Variants in SLC25A24 observed in about 807,000 individuals in gnomAD.
SLC25A24 encodes solute carrier family 25 member 24.
A neutral mutation model predicts 60.7 loss-of-function variants in SLC25A24; 49 were observed. The ratio of observed to expected loss-of-function variants is 0.81; its 90% CI spans 0.64 to 1.02. SLC25A24 has a LOEUF of 1.02. SLC25A24 is among the 50% of genes least tolerant of loss of function. The probability of loss-of-function intolerance (pLI) is 0.00; values close to 1 mark genes in which losing one functional copy is unlikely to be tolerated. For missense variants in SLC25A24, 564 were observed against 586.3 expected, an observed-to-expected ratio of 0.96 and a Z score of 0.39; for synonymous variants, 202 against 200.6, an observed-to-expected ratio of 1.01 and a Z score of -0.06.
rs1399422161 is a variant in SLC25A24 at position 108,136,545 on chromosome 1, A to T, written c.*108T>A. On this transcript the variant is annotated 3_prime_UTR_variant, in exon 10 of 10. Transcript: ENST00000565488. ...ATTGTTACCATCTTCCCTTTTGTGAAAAAAATGCAGCTTCTTTTGCCATAG... is the reference window on the plus strand; with the variant it reads ...ATTGTTACCATCTTCCCTTTTGTGATAAAAATGCAGCTTCTTTTGCCATAG... 3 of 951,594 alleles carry T rather than the reference A, an allele frequency of 3.2e-6. No individual in the cohort carries two copies. The highest frequency in any genetic ancestry group is 4.7e-6 in the Non-Finnish European group (3 of 632,586). 58.9% of individuals were successfully genotyped at this position (951,594 alleles called of 1,614,324 possible).
At chr1:108,175,955 A>T (rs1647661387) in intron 3 of SLC25A24, among the ~76,000 whole-genome samples, 2 of 152,242 alleles carry the variant, frequency 1.3e-5, no homozygotes, top group Non-Finnish European at 2.9e-5. Context: ...AAATGCACAG[A>T]TGTAAACACA....
intron 1 of SLC25A24, among the ~76,000 whole-genome samples, chr1:108,195,814 A>C (rs591763): frequency 0.24 from 37,037 of 151,974 alleles, 5,008 homozygotes; most frequent in African/African-American, 0.33. Flanking sequence ...GCCTGACCAA[A>C]ATGGCAAAAT....
At chr1:108,142,247 C>T (rs1679463052) in intron 8 of SLC25A24, among the ~76,000 whole-genome samples, 1 of 152,122 alleles carries the variant, frequency 6.6e-6, no homozygotes, top group African/African-American at 2.4e-5. Flanking sequence ...GACCATATGG[C>T]TCAGCAATTC....
At chr1:108,181,807 G>GA in intron 3 of SLC25A24, 134 bp downstream of exon 3, 1 of 681,592 alleles carries the variant, frequency 1.5e-6, no homozygotes, top group Non-Finnish European at 2.6e-6. Flanking sequence ...TGAATGGGAG[G>GA]AAAAAAGACA....
At chr1:108,198,508 C>G (rs1648564898) in intron 1 of SLC25A24, 1 of 152,214 alleles carries the variant, frequency 6.6e-6, no homozygotes, top group Non-Finnish European at 1.5e-5. Flanking sequence ...ATTTCACTTA[C>G]AATCGTTTTT....
At position 108,155,074 on chromosome 1, in the gene SLC25A24, T is replaced by C. The variant is rs1197274649; in HGVS notation, c.731A>G (p.Glu244Gly). The C allele has an allele frequency of 6.2e-7, 1 of 1,612,920 alleles. No homozygotes were observed. Among genetic ancestry groups the C allele is most frequent in the East Asian group, 2.2e-5 (1 of 44,784 alleles). ...CCTCCAAAGCGAGCGGATACCTCCT[T>C]CTTTTACCATCTGTCGAAAGCCACC... ...IFGGFRQMVK[E>G]GGIRSLWRGN... The change falls in exon 6 of 10, where the codon GAA (glutamate) becomes GGA (glycine). Residue 244 changes from glutamate (E) to glycine (G), a missense_variant. Glu to Gly is a moderately conservative substitution (Grantham distance 98). Transcript: ENST00000565488.
chr1:108,158,496 T>C (rs1240946571), intron 4 of SLC25A24, among the ~76,000 whole-genome samples: 2 of 152,152 alleles, frequency 1.3e-5, no homozygotes, highest in African/African-American at 2.4e-5. Flanking sequence ...TAAATAAAAC[T>C]TCACATAGTG....
chr1:108,189,302 C>T (rs866884407), intron 1 of SLC25A24, among the ~76,000 whole-genome samples: 10 of 152,158 alleles, frequency 6.6e-5, no homozygotes, highest in African/African-American at 1.4e-4. Context: ...CAGTTACCTG[C>T]GGTCAATCAT....
chr1:108,137,620 T>A (rs1452275836), intron 9 of SLC25A24, among the ~76,000 whole-genome samples: 1 of 152,180 alleles, frequency 6.6e-6, no homozygotes, highest in Admixed American at 6.5e-5. Context: ...GACTTTTAGG[T>A]CAGAAATGAC....
intron 3 of SLC25A24, among the ~76,000 whole-genome samples, chr1:108,162,674 A>T (rs1257173382): frequency 3.3e-5 from 5 of 151,880 alleles, no homozygotes; most frequent in Admixed American, 1.3e-4. Context: ...GTTTGAGTTC[A>T]TTGTAGATTC....
chr1:108,146,965 G>A (rs570623788), intron 7 of SLC25A24, among the ~76,000 whole-genome samples: 1 of 152,166 alleles, frequency 6.6e-6, no homozygotes, highest in Admixed American at 6.5e-5. Context: ...TTTTTCTATT[G>A]TTTGAATAAT....
intron 5 of SLC25A24, among the ~76,000 whole-genome samples, chr1:108,156,615 T>C (rs1679906862): frequency 1.3e-5 from 2 of 152,340 alleles, no homozygotes; most frequent in South Asian, 4.1e-4. Flanking sequence ...GTGTTGACCA[T>C]AAGTATAACA....
At chr1:108,196,262 G>A (rs1490980124) in intron 1 of SLC25A24, among the ~76,000 whole-genome samples, 1 of 152,136 alleles carries the variant, frequency 6.6e-6, no homozygotes, top group Admixed American at 6.5e-5. Context: ...CTAACATTGG[G>A]TGATCATTCA....
chr1:108,179,883 A>T (rs1341814262), intron 3 of SLC25A24, among the ~76,000 whole-genome samples: 1 of 152,226 alleles, frequency 6.6e-6, no homozygotes, highest in Non-Finnish European at 1.5e-5. Context: ...CACAGAAATC[A>T]TTAAGTATGA....
At chr1:108,196,972 T>C (rs531290895) in intron 1 of SLC25A24, among the ~76,000 whole-genome samples, 1 of 152,342 alleles carries the variant, frequency 6.6e-6, no homozygotes, top group East Asian at 1.9e-4. Context: ...TACATTCTAC[T>C]CTCAGTCTAT....
At chr1:108,187,764 C>A (rs1197703727) in intron 1 of SLC25A24, among the ~76,000 whole-genome samples, 1 of 151,472 alleles carries the variant, frequency 6.6e-6, no homozygotes, top group African/African-American at 2.4e-5. Flanking sequence ...ATTTTCCAAC[C>A]CATTTTATGA....
intron 3 of SLC25A24, among the ~76,000 whole-genome samples, chr1:108,169,858 ATTT>A (rs1452980562): frequency 6.6e-6 from 1 of 152,066 alleles, no homozygotes; most frequent in Admixed American, 6.6e-5. Flanking sequence ...GATTCATATT[ATTT>A]TATTAGTTTT....
At chr1:108,185,183 A>G (rs912090326) in intron 2 of SLC25A24, among the ~76,000 whole-genome samples, 3 of 152,196 alleles carry the variant, frequency 2.0e-5, no homozygotes, top group African/African-American at 7.2e-5. Flanking sequence ...CTCCAGAACT[A>G]TAAGAAATAA....
chr1:108,164,973 A>G (rs1266662224), intron 3 of SLC25A24, among the ~76,000 whole-genome samples: 4 of 143,740 alleles, frequency 2.8e-5, no homozygotes, highest in African/African-American at 1.1e-4. Context: ...AATGCGTCCC[A>G]GAGATTCTGG....
Sources: gnomAD v4.1 joint callset for allele counts (sites outside exome capture counted in the v4.1 genomes callset) on GRCh38, gnomAD v4.1.1 for gene constraint, MANE v1.5 for transcripts, NCBI Gene and HGNC (gene_info 2026-07-23, HGNC 2026-07-21) for gene names.